DDOST: variants seen among roughly 807,000 people sequenced by gnomAD.
DDOST encodes the protein dolichyl-diphosphooligosaccharide--protein glycosyltransferase non-catalytic subunit, also known as dolichyl-diphosphooligosaccharide--protein glycosyltransferase 48 kDa subunit.
In DDOST, 25 loss-of-function variants were observed where a neutral mutation model predicts 47.6. The observed-to-expected ratio is 0.53, with a 90% CI of 0.38 to 0.73. The LOEUF is 0.73. Ranked by LOEUF, DDOST falls within the 30% of genes least tolerant of loss-of-function variation. DDOST has a pLI of 0.00. For synonymous variants in DDOST, 275 were observed against 236.0 expected (o/e 1.17, Z -1.51); for missense variants, 526 against 573.9 (o/e 0.92, Z 0.85).
At chr1:20,653,547 A>G in intron 8 of DDOST, 80 bp downstream of exon 8, 2 of 1,399,986 alleles carry the variant, frequency 1.4e-6, no homozygotes, top group Non-Finnish European at 1.9e-6. Flanking sequence ...CCAGCAAAGA[A>G]GTGTTCAATA....
chr1:20,654,586 C>T lies in DDOST; in HGVS notation c.645+28G>A, dbSNP rs527747771. 4.7e-5 allele frequency: 72 copies of T among 1,531,306 alleles called. No individual in the cohort carries two copies. In the East Asian group the frequency reaches 1.5e-3, roughly 32 times the overall value. 94.9% of individuals were successfully genotyped at this position (1,531,306 alleles called of 1,614,324 possible). A position where few individuals can be genotyped will look rare whatever the true frequency, so the allele number is the denominator to read the frequency against. On this transcript the variant is annotated intron_variant, in intron 6 of 10. Coordinates refer to ENST00000602624, the MANE Select transcript of DDOST (RefSeq NM_005216.5). ...GTGCTGTTCTGCTTCATTTTTATTT[C>T]GAAGCCTCAAGGTTGTGAAGCCCTT...
chr1:20,660,996 A>G lies in DDOST; in HGVS notation c.155-5T>C. The stretch of plus-strand genomic sequence containing the variant: ...ATGTGAGCTCAAAGCCCCGGTCTGG[A>G]CAAGAAAAAACAGGTAGTTGAGGAA... On this transcript the variant is annotated splice_polypyrimidine_tract_variant and splice_region_variant and intron_variant, in intron 1 of 10. Transcript: ENST00000602624. 6.2e-7 allele frequency: 1 copy of G among 1,601,702 alleles called. No homozygotes were observed. Among genetic ancestry groups the G allele is most frequent in the Non-Finnish European group, 8.6e-7 (1 of 1,168,864 alleles).
At chr1:20,658,511 G>A (rs897703225) in intron 2 of DDOST, among the ~76,000 whole-genome samples, 17 of 152,280 alleles carry the variant, frequency 1.1e-4, no homozygotes, top group African/African-American at 3.9e-4. Flanking sequence ...AGGCAGCAAC[G>A]CGAATGCGGG....
intron 3 of DDOST, 109 bp downstream of exon 3, chr1:20,655,992 C>T: frequency 1.0e-6 from 1 of 983,378 alleles, no homozygotes; most frequent in African/African-American, 1.6e-5. Context: ...CTCACTGACT[C>T]CCCAGCTAAG....
At position 20,661,109 on chromosome 1, in the gene DDOST, A is replaced by T. The variant is rs1322748737; in HGVS notation, c.154+88T>A. The stretch of plus-strand genomic sequence containing the variant: ...CAGACCCGGGCGGCCTGCTCCAGGA[A>T]AGGGAGAGGGAAGGAGAGTGGTCAA... On this transcript the variant is annotated intron_variant, in intron 1 of 10. Coordinates refer to ENST00000602624, the MANE Select transcript of DDOST (RefSeq NM_005216.5). The T allele has an allele frequency of 5.9e-6, 9 of 1,516,218 alleles. No homozygotes were observed. The Middle Eastern group carries it at 6.4e-4, about 108-fold the overall frequency. The allele number at this position is 1,516,218 out of a possible 1,614,324, so 93.9% of individuals were successfully genotyped here.
intron 1 of DDOST, 62 bp downstream of exon 1, chr1:20,661,135 T>C (rs1034188838): frequency 6.4e-7 from 1 of 1,558,722 alleles, no homozygotes; most frequent in Non-Finnish European, 8.8e-7. Flanking sequence ...GAGTGGTCAA[T>C]GCCCTCGATG....
chr1:20,655,837 G>C (rs926788204), intron 3 of DDOST, 58 bp from the exon 4 acceptor site: 87 of 1,411,916 alleles, frequency 6.2e-5, no homozygotes, highest in Non-Finnish European at 8.1e-5. Context: ...TGGGCCAAGT[G>C]TCCTTGGCTT....
chr1:20,654,406 C>A (rs748620550), intron 6 of DDOST, 35 bp from the exon 7 acceptor site: 1 of 1,551,362 alleles, frequency 6.4e-7, no homozygotes, highest in South Asian at 1.2e-5. Context: ...CCAAGCAGTT[C>A]CAAGTAAGGG....
chr1:20,653,061 C>G, intron 8 of DDOST, 90 bp from the exon 9 acceptor site: 2 of 1,551,300 alleles, frequency 1.3e-6, no homozygotes, highest in East Asian at 2.3e-5. Context: ...TCCCACCCGA[C>G]GAACATGGCA....
rs372328091 is a variant in DDOST, at chr1:20,660,875, C to G, written c.265+6G>C. 186 of 1,553,064 alleles carry G rather than the reference C, an allele frequency of 1.2e-4. No individual in the cohort carries two copies. The highest frequency in any genetic ancestry group is 1.6e-4 in the Non-Finnish European group (175 of 1,124,900). On this transcript the variant is annotated splice_donor_region_variant and intron_variant, in intron 2 of 10. Coordinates refer to ENST00000602624, the MANE Select transcript of DDOST (RefSeq NM_005216.5). ...TCCAGTGCTAGGGGCGACGCGGAAC[C>G]CTTACCTTCTACCGAAGGGGAGAAA...
intron 2 of DDOST, among the ~76,000 whole-genome samples, chr1:20,659,828 T>C (rs2053416669): frequency 6.6e-6 from 1 of 152,138 alleles, no homozygotes; most frequent in South Asian, 2.1e-4. Flanking sequence ...GAGGATCACT[T>C]GAACCTGGGA....
At position 20,653,719 on chromosome 1, in the gene DDOST, T is replaced by G; in HGVS notation, c.850A>C (p.Lys284Gln). The change falls in exon 8 of 11, where the codon AAG becomes CAG. Residue 284 changes from lysine (K) to glutamine (Q), a missense_variant. Physicochemically the swap from Lys to Gln is moderately conservative, Grantham distance 53 (BLOSUM62 1). Transcript: ENST00000602624. ...CCCACACGGAGGACACCCTCCTCCT[T>G]GAACACCCAGCGGGAGAGGGCCACA... Reference protein sequence around the residue: ...LAVALSRWVFKEEGVLRVGPV... With the variant: ...LAVALSRWVFQEEGVLRVGPV... The G allele has an allele frequency of 6.2e-7, 1 of 1,614,112 alleles. No homozygotes were observed. The highest frequency in any genetic ancestry group is 8.5e-7 in the Non-Finnish European group (1 of 1,180,002).
Position 20,654,707 on chromosome 1 carries a change from C to T in DDOST, c.552G>A (p.Gly184=), listed in dbSNP as rs1570414485. 1 of 1,554,562 alleles carries T rather than the reference C, an allele frequency of 6.4e-7. No individual in the cohort carries two copies. Residue 184 remains glycine (G), a splice_region_variant and synonymous_variant, in exon 6 of 11, where the codon GGG becomes GGA. Transcript: ENST00000602624. ...AAGGGTTATCAGGATCGGCCACCATCCTGCAGCAGGACGAGAGCAGCCCAG... is the reference window on the plus strand; with the variant it reads ...AAGGGTTATCAGGATCGGCCACCATTCTGCAGCAGGACGAGAGCAGCCCAG... ...SLNPILFRGV[G]MVADPDNPLV...
chr1:20,654,115 G>T, intron 7 of DDOST, 108 bp downstream of exon 7: 1 of 1,306,902 alleles, frequency 7.7e-7, no homozygotes, highest in Non-Finnish European at 1.0e-6. Context: ...GAAACACTCA[G>T]CCTCTGACAC....
chr1:20,656,611 T>C (rs1049892593), intron 2 of DDOST, among the ~76,000 whole-genome samples: 1 of 152,208 alleles, frequency 6.6e-6, no homozygotes, highest in Non-Finnish European at 1.5e-5. Flanking sequence ...CCTGTCTAAA[T>C]GGTCTGAGGA....
intron 9 of DDOST, 21 bp downstream of exon 9, chr1:20,652,830 T>C (rs1359159717): frequency 6.2e-7 from 1 of 1,614,048 alleles, no homozygotes; most frequent in Non-Finnish European, 8.5e-7. Context: ...GGCAGCATCC[T>C]CGTGCAGGAA....
Position 20,661,305 on chromosome 1 carries a change from G to A in DDOST, c.46C>T (p.Leu16=), listed in dbSNP as rs2053432064. 6.2e-7 allele frequency: 1 copy of A among 1,613,764 alleles called. No homozygotes were observed. The highest frequency in any genetic ancestry group is 1.7e-5 in the Admixed American group (1 of 60,012). Residue 16 remains leucine (L), a synonymous_variant, in exon 1 of 11, where the codon CTG becomes TTG. Coordinates refer to ENST00000602624, the MANE Select transcript of DDOST (RefSeq NM_005216.5). ...CAAACCGCGCCAAGCAAGGGCAGCA[G>A]CAACCAAAAGAGGGCCCAAGCCCGG... ...AARAWALFWL[L]LPLLGAVCAS...
At position 20,654,268 on chromosome 1, in the gene DDOST, G is replaced by T; in HGVS notation, c.749C>A (p.Ser250Tyr). The T allele has an allele frequency of 1.9e-6, 3 of 1,551,784 alleles. No individual in the cohort carries two copies. Among genetic ancestry groups the T allele is most frequent in the Middle Eastern group, 1.7e-4 (1 of 5,842 alleles). ...CTTCTGCACTGCTGAGTTGAAGAAG[G>T]AGTCGCTGAAGAAGTCGAGGGAGCC... ...FSGSLDFFSDSFFNSAVQKAA... is the reference protein window; with the variant it reads ...FSGSLDFFSDYFFNSAVQKAA... Residue 250 changes from serine to tyrosine, a missense_variant, in exon 7 of 11, where the codon TCC (serine) becomes TAC (tyrosine). Coordinates refer to ENST00000602624, the MANE Select transcript of DDOST (RefSeq NM_005216.5).
chr1:20,658,678 T>G (rs924769547), intron 2 of DDOST, among the ~76,000 whole-genome samples: 8 of 152,222 alleles, frequency 5.3e-5, no homozygotes, highest in African/African-American at 1.9e-4. Flanking sequence ...GAACCTCAGG[T>G]TCAAAGCCTT....
Sources: gnomAD v4.1 joint callset for allele counts (sites outside exome capture counted in the v4.1 genomes callset) on GRCh38, gnomAD v4.1.1 for gene constraint, MANE v1.5 for transcripts, NCBI Gene and HGNC (gene_info 2026-07-23, HGNC 2026-07-21) for gene names.